HMOX2: variants seen among roughly 807,000 people sequenced by gnomAD.
The protein encoded by HMOX2 is heme oxygenase 2, also known as heme oxygenase (decycling) 2.
Under a neutral mutation model 33.7 loss-of-function variants are expected in HMOX2, and 30 were observed. That is an observed-to-expected ratio of 0.89 (90% confidence interval 0.67 to 1.21). The LOEUF (loss-of-function observed/expected upper bound fraction) is 1.21, where lower values mean the gene tolerates loss of function less well. HMOX2 is among the 50% of genes most tolerant of loss of function. The pLI is 0.00. For synonymous variants in HMOX2, 155 were observed against 155.0 expected (o/e 1.00, Z 0.00); for missense variants, 403 against 399.1 (o/e 1.01, Z -0.08).
intron 1 of HMOX2, among the ~76,000 whole-genome samples, chr16:4,499,106 C>A (rs1327676795): frequency 6.6e-6 from 1 of 152,204 alleles, no homozygotes; most frequent in Non-Finnish European, 1.5e-5. Context: ...CTGCCCAGAA[C>A]TATCTGAAAT....
chr16:4,493,546 TGG>T (rs2058350757), intron 1 of HMOX2, among the ~76,000 whole-genome samples: 3 of 152,370 alleles, frequency 2.0e-5, no homozygotes, highest in Non-Finnish European at 4.4e-5. Flanking sequence ...CCAACTGGGA[TGG>T]GCAGAACCAG....
At chr16:4,500,663 A>G (rs1286190182) in intron 1 of HMOX2, among the ~76,000 whole-genome samples, 1 of 152,174 alleles carries the variant, frequency 6.6e-6, no homozygotes, top group African/African-American at 2.4e-5. Flanking sequence ...CCTGGTAGCA[A>G]TGCACTGAGT....
intron 1 of HMOX2, among the ~76,000 whole-genome samples, chr16:4,494,874 C>G (rs2058382515): frequency 1.3e-5 from 2 of 151,056 alleles, no homozygotes; most frequent in Admixed American, 6.6e-5. Context: ...GTGAGACTGT[C>G]TAAAAAAAAA....
At chr16:4,478,308 G>A (rs938429934) in intron 1 of HMOX2, among the ~76,000 whole-genome samples, 2 of 152,190 alleles carry the variant, frequency 1.3e-5, no homozygotes, top group African/African-American at 4.8e-5. Context: ...CAAGTCTGTT[G>A]AAAACTTGTA....
At chr16:4,479,302 T>C (rs1306311522) in intron 1 of HMOX2, among the ~76,000 whole-genome samples, 1 of 152,070 alleles carries the variant, frequency 6.6e-6, no homozygotes, top group East Asian at 1.9e-4. Context: ...ATCTAAGGGG[T>C]TTCCAAACGC....
intron 2 of HMOX2, among the ~76,000 whole-genome samples, chr16:4,506,001 A>G (rs1391613241): frequency 6.6e-6 from 1 of 152,218 alleles, no homozygotes; most frequent in African/African-American, 2.4e-5. Context: ...GTATAGGGAC[A>G]GCTCATGCTA....
intron 1 of HMOX2, among the ~76,000 whole-genome samples, chr16:4,480,220 G>A (rs1483361449): frequency 6.6e-6 from 1 of 150,870 alleles, no homozygotes; most frequent in Non-Finnish European, 1.5e-5. Context: ...GCTAATTTTT[G>A]TACTTTTGGT....
intron 1 of HMOX2, chr16:4,476,764 C>G (rs1278877068): frequency 6.6e-6 from 1 of 152,262 alleles, no homozygotes; most frequent in Non-Finnish European, 1.5e-5. Context: ...CCCGGGGGCG[C>G]GGGGAGGCCT....
chr16:4,508,340 C>T (rs980353242), intron 4 of HMOX2, 136 bp downstream of exon 4: 26 of 996,076 alleles, frequency 2.6e-5, no homozygotes, highest in Non-Finnish European at 3.9e-5. Context: ...AGGTGGCCAC[C>T]AGATTGGCCA....
chr16:4,475,115 C>A (rs1163514705), upstream of HMOX2, among the ~76,000 whole-genome samples: 1 of 151,712 alleles, frequency 6.6e-6, no homozygotes, highest in African/African-American at 2.4e-5. Flanking sequence ...CCAAGCCCGG[C>A]TAATTTTTGT....
chr16:4,506,745 A>T, intron 2 of HMOX2, 150 bp from the exon 3 acceptor site: 1 of 656,114 alleles, frequency 1.5e-6, no homozygotes, highest in Non-Finnish European at 2.8e-6. Flanking sequence ...AGTTGCTGCT[A>T]TTTGTGTTGG....
At chr16:4,491,371 C>G (rs113374275) in intron 1 of HMOX2, among the ~76,000 whole-genome samples, 8 of 152,036 alleles carry the variant, frequency 5.3e-5, no homozygotes, top group Non-Finnish European at 1.0e-4. Context: ...TTTGCTAGGC[C>G]GGGCACTATG....
intron 1 of HMOX2, among the ~76,000 whole-genome samples, chr16:4,483,157 C>T (rs1046005092): frequency 1.1e-4 from 15 of 138,902 alleles, no homozygotes; most frequent in African/African-American, 3.8e-4. Flanking sequence ...TAATGCAAAC[C>T]CTGGTGTGTG....
chr16:4,486,155 A>G (rs1465922656), intron 1 of HMOX2, among the ~76,000 whole-genome samples: 4 of 152,234 alleles, frequency 2.6e-5, no homozygotes, highest in Admixed American at 6.5e-5. Context: ...CCCATCTTCA[A>G]AAGTACACAT....
intron 1 of HMOX2, among the ~76,000 whole-genome samples, chr16:4,481,359 A>G (rs1408155457): frequency 1.3e-5 from 2 of 151,940 alleles, no homozygotes; most frequent in African/African-American, 2.4e-5. Flanking sequence ...AAAAAAAAAA[A>G]AAAAAAGAAA....
rs765166997 is a variant in HMOX2, at chr16:4,509,691, CTCCAGT to C, written c.889_894del (p.Gln297_Phe298del). 1.7e-3 allele frequency: 2,677 copies of C among 1,614,068 alleles called. 2 individuals carry two copies. The highest frequency in any genetic ancestry group is 2.1e-3 in the Non-Finnish European group (2,447 of 1,179,966). On this transcript the variant is annotated inframe_deletion, in exon 6 of 6. Transcript: ENST00000570646. ...TATGGCTGTGCTGAGGAAGCCCAGC[CTCCAGT>C]TCATCCTGGCCGCTGGTGTGGCCCT...
chr16:4,489,095 C>G (rs1596454932), intron 1 of HMOX2, among the ~76,000 whole-genome samples: 1 of 152,108 alleles, frequency 6.6e-6, no homozygotes, highest in Non-Finnish European at 1.5e-5. Flanking sequence ...GTTATGCTAC[C>G]AATCAGGCTT....
intron 1 of HMOX2, among the ~76,000 whole-genome samples, chr16:4,477,709 A>C (rs1166443187): frequency 1.3e-5 from 2 of 151,710 alleles, no homozygotes; most frequent in African/African-American, 4.8e-5. Flanking sequence ...ACCTGAGGTC[A>C]GGAGTTCGAG....
At chr16:4,481,101 C>A (rs914814381) in intron 1 of HMOX2, among the ~76,000 whole-genome samples, 2 of 151,646 alleles carry the variant, frequency 1.3e-5, no homozygotes, top group Non-Finnish European at 2.9e-5. Context: ...AATCCCAGCA[C>A]TTTGGGAGGC....
Sources: allele counts gnomAD v4.1 joint callset (sites outside exome capture counted in the v4.1 genomes callset), GRCh38; gene constraint gnomAD v4.1.1; transcripts MANE v1.5; gene names NCBI Gene and HGNC (gene_info 2026-07-23, HGNC 2026-07-21).